ACO1: variants seen among roughly 807,000 people sequenced by gnomAD.
ACO1 encodes the protein cytoplasmic aconitate hydratase.
A neutral mutation model predicts 105.1 loss-of-function variants in ACO1; 78 were observed. That is an observed-to-expected ratio of 0.74 (90% CI 0.62 to 0.90). ACO1 has a LOEUF of 0.90. ACO1 is among the 40% of genes least tolerant of loss of function. ACO1 has a pLI of 0.00. For missense variants in ACO1, 965 were observed against 1,111.1 expected (o/e 0.87, Z 1.87); for synonymous variants, 364 against 397.4 (o/e 0.92, Z 1.00).
At position 32,421,510 on chromosome 9, in the gene ACO1, T is replaced by A. The variant is rs187974421; in HGVS notation, c.970+483T>A. ...CCAACCCTGCAACTGCCTGGCCCCA[T>A]ACAGGAACAGCACTCTGCAACACCC... On this transcript the variant is annotated intron_variant, in intron 8 of 20. Transcript: ENST00000309951. Among the ~76,000 whole-genome samples the A allele has an allele frequency of 2.5e-3, 375 of 152,224 alleles. 3 individuals are homozygous for A. Among genetic ancestry groups the A allele is most frequent in the South Asian group, 3.1e-3 (15 of 4,828 alleles).
In ACO1 at chr9:32,450,076, A is replaced by G. The variant is rs1181006128; in HGVS notation, c.2635A>G (p.Ile879Val). ...VELTYFLNGG[I>V]LNYMIRKMAK ...GCTCACTTATTTCCTCAACGGGGGC[A>G]TCCTCAACTACATGATCCGCAAGAT... The change falls in exon 21 of 21, where the codon ATC becomes GTC. Residue 879 changes from isoleucine (I) to valine (V), a missense_variant. Physicochemically the swap from Ile to Val is conservative, Grantham distance 29. Coordinates refer to ENST00000309951, the MANE Select transcript of ACO1 (RefSeq NM_002197.3). 3.7e-6 allele frequency: 6 copies of G among 1,613,852 alleles called. No individual in the cohort carries two copies. The Admixed American group carries it at 8.3e-5, about 22-fold the overall frequency.
Position 32,407,325 on chromosome 9 carries a change from G to C in ACO1, c.162G>C (p.Leu54Phe). 1 of 1,614,046 alleles carries C rather than the reference G, an allele frequency of 6.2e-7. No individual in the cohort carries two copies. Among genetic ancestry groups the C allele is most frequent in the East Asian group, 2.2e-5 (1 of 44,876 alleles). Residue 54 changes from leucine (L) to phenylalanine (F), a missense_variant, in exon 3 of 21, where the codon TTG (leucine) becomes TTC (phenylalanine). Physicochemically the swap from Leu to Phe is conservative, Grantham distance 22. Transcript: ENST00000309951. ...CCATTCGGAATTGTGATGAGTTTTTGGTGAAGAAACAGGATATTGAAAATA... is the reference window on the plus strand; with the variant it reads ...CCATTCGGAATTGTGATGAGTTTTTCGTGAAGAAACAGGATATTGAAAATA... ...EAAIRNCDEFLVKKQDIENIL... is the reference protein window; with the variant it reads ...EAAIRNCDEFFVKKQDIENIL...
At chr9:32,432,912 A>G (rs1822271320) in intron 15 of ACO1, among the ~76,000 whole-genome samples, 1 of 152,150 alleles carries the variant, frequency 6.6e-6, no homozygotes, top group Admixed American at 6.5e-5. Context: ...GGGTCCACTT[A>G]GGCTCACTCA....
intron 19 of ACO1, 37 bp downstream of exon 19, chr9:32,440,624 C>G (rs548609036): frequency 1.2e-6 from 2 of 1,606,994 alleles, no homozygotes; most frequent in African/African-American, 2.7e-5. Flanking sequence ...GGCAGCTCCC[C>G]TCTGAACTGG....
At chr9:32,389,800 C>CTTTTTTT (rs71916359) in intron 1 of ACO1, among the ~76,000 whole-genome samples, 2 of 132,508 alleles carry the variant, frequency 1.5e-5, no homozygotes, top group Admixed American at 7.8e-5. Flanking sequence ...TTCCTCTATA[C>CTTTTTTT]TTTTTTTTTT....
intron 17 of ACO1, chr9:32,435,930 A>G: frequency 4.3e-6 from 2 of 467,342 alleles, no homozygotes; most frequent in Non-Finnish European, 8.2e-6. Context: ...TTTATCTTAT[A>G]TGAAGCTTTA....
chr9:32,428,568 G>A (rs2118503116), intron 12 of ACO1, among the ~76,000 whole-genome samples: 1 of 152,238 alleles, frequency 6.6e-6, no homozygotes, highest in Non-Finnish European at 1.5e-5. Flanking sequence ...GCTGGGCGCG[G>A]TGGCTCATGC....
At chr9:32,407,137 T>A (rs1821629014) in intron 2 of ACO1, 124 bp from the exon 3 acceptor site, 2 of 891,476 alleles carry the variant, frequency 2.2e-6, no homozygotes, top group South Asian at 1.6e-5. Flanking sequence ...TTGGTCACTT[T>A]ACCCTCTTTC....
At position 32,419,142 on chromosome 9, in the gene ACO1, G is replaced by A; in HGVS notation, c.763G>A (p.Val255Ile). ...GCTGATGGGGAAGCCCCACCCTCTGGTAACATCCACTGACATCGTGCTCAC... is the reference window on the plus strand; with the variant it reads ...GCTGATGGGGAAGCCCCACCCTCTGATAACATCCACTGACATCGTGCTCAC... ...YRLMGKPHPL[V>I]TSTDIVLTIT... Residue 255 changes from valine to isoleucine, a missense_variant, in exon 7 of 21, where the codon GTA (valine) becomes ATA (isoleucine). Coordinates refer to ENST00000309951, the MANE Select transcript of ACO1 (RefSeq NM_002197.3). 6.2e-7 allele frequency: 1 copy of A among 1,603,994 alleles called. No individual in the cohort carries two copies.
At chr9:32,448,539 G>C (rs142329217) in intron 19 of ACO1, among the ~76,000 whole-genome samples, 3 of 152,202 alleles carry the variant, frequency 2.0e-5, no homozygotes, top group Non-Finnish European at 4.4e-5. Context: ...TGGGAAAAGC[G>C]CAGTATCTGG....
chr9:32,389,599 C>T (rs1482431561), intron 1 of ACO1, among the ~76,000 whole-genome samples: 2 of 152,036 alleles, frequency 1.3e-5, no homozygotes, highest in East Asian at 3.9e-4. Flanking sequence ...CTGACCTTGG[C>T]CTCGCCCTCT....
intron 1 of ACO1, among the ~76,000 whole-genome samples, chr9:32,385,690 A>G (rs537883784): frequency 6.6e-6 from 1 of 152,346 alleles, no homozygotes; most frequent in South Asian, 2.1e-4. Context: ...CTGCTTCTGC[A>G]GTCTGTTGCA....
At chr9:32,407,506 A>G in intron 3 of ACO1, 77 bp downstream of exon 3, 1 of 1,342,736 alleles carries the variant, frequency 7.4e-7, no homozygotes, top group East Asian at 2.3e-5. Context: ...AACAAATGAA[A>G]ACACTCTGCA....
intron 11 of ACO1, among the ~76,000 whole-genome samples, chr9:32,426,199 A>C (rs913218770): frequency 1.3e-5 from 2 of 152,268 alleles, no homozygotes; most frequent in African/African-American, 2.4e-5. Flanking sequence ...TGCACACTGC[A>C]TAATAGTCTC....
chr9:32,435,208 C>T (rs369603023), intron 17 of ACO1, among the ~76,000 whole-genome samples: 3 of 152,196 alleles, frequency 2.0e-5, no homozygotes, highest in Admixed American at 1.3e-4. Flanking sequence ...AGTGGTTCCC[C>T]AATCTGAGTT....
In ACO1 at chr9:32,408,610, T is replaced by A; in HGVS notation, c.363T>A (p.Asp121Glu). 2 of 1,614,224 alleles carry A rather than the reference T, an allele frequency of 1.2e-6. No homozygotes were observed. The highest frequency in any genetic ancestry group is 8.5e-7 in the Non-Finnish European group (1 of 1,180,034). Residue 121 changes from aspartate to glutamate, a missense_variant, in exon 4 of 21, where the codon GAT becomes GAA. Physicochemically the swap from Asp to Glu is conservative, Grantham distance 45. Transcript: ENST00000309951. ...PEKINPVCPADLVIDHSIQVD... is the reference protein window; with the variant it reads ...PEKINPVCPAELVIDHSIQVD... ...AAATAAACCCTGTCTGCCCTGCTGATCTTGTAATAGATCATTCCATCCAGG... is the reference window on the plus strand; with the variant it reads ...AAATAAACCCTGTCTGCCCTGCTGAACTTGTAATAGATCATTCCATCCAGG...
chr9:32,402,258 A>G (rs1286001606), intron 1 of ACO1, among the ~76,000 whole-genome samples: 1 of 152,004 alleles, frequency 6.6e-6, no homozygotes, highest in African/African-American at 2.4e-5. Context: ...CATTCTATAG[A>G]ACAAAGAAAG....
chr9:32,409,424 A>G (rs1022621831), intron 4 of ACO1, among the ~76,000 whole-genome samples: 1 of 152,242 alleles, frequency 6.6e-6, no homozygotes, highest in African/African-American at 2.4e-5. Context: ...AAGCCTGAAT[A>G]TAGACACCTA....
rs185223242 is a variant in ACO1 at position 32,407,261 on chromosome 9, G to A, written c.98G>A (p.Gly33Glu). The stretch of plus-strand genomic sequence containing the variant: ...TTATTTTGTCATCCTTAACTCTTAG[G>A]GCGCTTACCATTTTCGATCAGAGTT... ...NLNKLEDSRY[G>E]RLPFSIRVLL... The change falls in exon 3 of 21, where the codon GGG (glycine) becomes GAG (glutamate). Residue 33 changes from glycine (G) to glutamate (E), a missense_variant and splice_region_variant. Transcript: ENST00000309951. 6.8e-6 allele frequency: 11 copies of A among 1,613,906 alleles called. No individual in the cohort carries two copies. The African/African-American group carries it at 1.3e-4, about 20-fold the overall frequency.
Sources: gnomAD v4.1 joint callset for allele counts (sites outside exome capture counted in the v4.1 genomes callset) on GRCh38, gnomAD v4.1.1 for gene constraint, MANE v1.5 for transcripts, NCBI Gene and HGNC (gene_info 2026-07-23, HGNC 2026-07-21) for gene names.